PUS1: variants seen among roughly 807,000 people sequenced by gnomAD.
PUS1 encodes pseudouridine synthase 1.
A neutral mutation model predicts 38.5 loss-of-function variants in PUS1; 25 were observed. The ratio of observed to expected loss-of-function variants is 0.65; its 90% confidence interval spans 0.47 to 0.91. The LOEUF is 0.91. Ranked by LOEUF, PUS1 falls within the 40% of genes least tolerant of loss-of-function variation. The pLI is 0.00. For synonymous variants in PUS1, 282 were observed against 260.4 expected (o/e 1.08, Z -0.80); for missense variants, 597 against 612.3 (o/e 0.97, Z 0.26).
intron 5 of PUS1, among the ~76,000 whole-genome samples, chr12:131,942,415 T>TG (rs537556182): frequency 8.5e-5 from 13 of 152,048 alleles, no homozygotes; most frequent in South Asian, 4.1e-4. Flanking sequence ...TTCTTTTTTT[T>TG]TTGTTGTTTG....
intron 3 of PUS1, chr12:131,932,571 C>T (rs1384182643): frequency 1.2e-5 from 7 of 575,184 alleles, no homozygotes; most frequent in Admixed American, 3.0e-5. Context: ...TTCTCAGGGA[C>T]ACACATTCTT....
In PUS1 at chr12:131,943,699, C is replaced by T; in HGVS notation, c.*113C>T. The stretch of plus-strand genomic sequence containing the variant: ...GATCGCTGCAGCCATGTTTTCCCGG[C>T]CATGCCGGCGTTGTAACCTCAGGAC... On this transcript the variant is annotated 3_prime_UTR_variant, in exon 6 of 6. Coordinates refer to ENST00000376649, the MANE Select transcript of PUS1 (RefSeq NM_025215.6). 1 of 911,370 alleles carries T rather than the reference C, an allele frequency of 1.1e-6. No individual in the cohort carries two copies. Among genetic ancestry groups the T allele is most frequent in the Admixed American group, 1.8e-5 (1 of 56,268 alleles). 56.5% of individuals were successfully genotyped at this position (911,370 alleles called of 1,614,324 possible).
At chr12:131,931,131 C>G (rs1029978086) in intron 2 of PUS1, among the ~76,000 whole-genome samples, 1 of 152,144 alleles carries the variant, frequency 6.6e-6, no homozygotes, top group Non-Finnish European at 1.5e-5. Context: ...GTTGTTATAA[C>G]AGCTTTTATG....
intron 3 of PUS1, chr12:131,932,901 A>C (rs890671701): frequency 2.4e-6 from 1 of 413,502 alleles, no homozygotes; most frequent in African/African-American, 2.1e-5. Context: ...TTATAAAGAA[A>C]AGAGGTTGAA....
intron 3 of PUS1, among the ~76,000 whole-genome samples, chr12:131,938,540 A>G (rs2136439895): frequency 6.6e-6 from 1 of 152,234 alleles, no homozygotes; most frequent in East Asian, 1.9e-4. Flanking sequence ...TGTAAACTTG[A>G]TCAGTTTTTA....
Position 131,932,320 on chromosome 12 carries a change from G to A in PUS1, c.441+8G>A. 1.2e-6 allele frequency: 2 copies of A among 1,613,056 alleles called. No homozygotes were observed. The highest frequency in any genetic ancestry group is 1.7e-6 in the Non-Finnish European group (2 of 1,180,000). The stretch of plus-strand genomic sequence containing the variant: ...TGCGCCCGGACAGACAAGGTGGGTG[G>A]TGGCCTTCTCTGCCCCTCCCCCGCT... On this transcript the variant is annotated splice_region_variant and intron_variant, in intron 3 of 5. Coordinates refer to ENST00000376649, the MANE Select transcript of PUS1 (RefSeq NM_025215.6).
chr12:131,941,278 C>T lies in PUS1; in HGVS notation c.545-14C>T, dbSNP rs777832293. 3 of 1,612,484 alleles carry T rather than the reference C, an allele frequency of 1.9e-6. No homozygotes were observed. Among genetic ancestry groups the T allele is most frequent in the Non-Finnish European group, 2.5e-6 (3 of 1,178,720 alleles). On this transcript the variant is annotated splice_polypyrimidine_tract_variant and intron_variant, in intron 4 of 5. Coordinates refer to ENST00000376649, the MANE Select transcript of PUS1 (RefSeq NM_025215.6). This position sits in a 1 kb window ranked among gnomAD's most constrained non-coding sequence, Gnocchi z 4.4. The stretch of plus-strand genomic sequence containing the variant: ...CTCACCTGCCTTTCTCCTCCCTGAC[C>T]ACCTCCCCCCTAGGACTGAAGCGGG...
chr12:131,934,913 C>G (rs939372799), intron 3 of PUS1: 1 of 152,250 alleles, frequency 6.6e-6, no homozygotes, highest in Non-Finnish European at 1.5e-5. Context: ...AAAGCTATGG[C>G]TCTTTTTCCC....
intron 3 of PUS1, chr12:131,932,569 GAC>G (rs1355610484): frequency 3.5e-6 from 2 of 577,068 alleles, no homozygotes; most frequent in East Asian, 5.9e-5. Context: ...TGTTCTCAGG[GAC>G]ACACATTCTT....
intron 5 of PUS1, 117 bp downstream of exon 5, chr12:131,942,100 T>A: frequency 1.0e-6 from 1 of 973,672 alleles, no homozygotes. Context: ...GCCACACAGC[T>A]GCTGCAGGAG....
At position 131,932,211 on chromosome 12, in the gene PUS1, G is replaced by A. The variant is rs1242866089; in HGVS notation, c.340G>A (p.Asp114Asn). ...VGSSQFKTIE[D>N]DLVSALVRSG... ...GTCCTCACAATTCAAAACAATTGAAGATGACTTGGTGTCCGCCCTCGTCCG... is the reference window on the plus strand; with the variant it reads ...GTCCTCACAATTCAAAACAATTGAAAATGACTTGGTGTCCGCCCTCGTCCG... The change falls in exon 3 of 6, where the codon GAT becomes AAT. Residue 114 changes from aspartate (D) to asparagine (N), a missense_variant. Coordinates refer to ENST00000376649, the MANE Select transcript of PUS1 (RefSeq NM_025215.6). 6.2e-7 allele frequency: 1 copy of A among 1,613,992 alleles called. No individual in the cohort carries two copies.
At chr12:131,932,598 C>T (rs1262641039) in intron 3 of PUS1, 9 of 537,882 alleles carry the variant, frequency 1.7e-5, no homozygotes, top group South Asian at 4.0e-5. Context: ...GGCACAGTGG[C>T]GGCCGCAATG....
rs1891040157 is a variant in PUS1, at chr12:131,941,117, C to G, written c.545-175C>G. On this transcript the variant is annotated intron_variant, in intron 4 of 5. Transcript: ENST00000376649. This position sits in a 1 kb window ranked among gnomAD's most constrained non-coding sequence, Gnocchi z 4.4. ...CCTGTCCCTCCTGTCCATCGTCCTCCTGTGCCTGTTCCCCAGCCTGTGGCT... is the reference window on the plus strand; with the variant it reads ...CCTGTCCCTCCTGTCCATCGTCCTCGTGTGCCTGTTCCCCAGCCTGTGGCT... 2 of 635,358 alleles carry G rather than the reference C, an allele frequency of 3.1e-6. No homozygotes were observed. The highest frequency in any genetic ancestry group is 5.7e-6 in the Non-Finnish European group (2 of 351,394). The allele number at this position is 635,358 out of a possible 1,614,324, so 39.4% of individuals were successfully genotyped here. A position where few individuals can be genotyped will look rare whatever the true frequency, so the allele number is the denominator to read the frequency against.
intron 3 of PUS1, among the ~76,000 whole-genome samples, chr12:131,938,733 T>TA (rs1329412474): frequency 6.1e-4 from 91 of 150,120 alleles, no homozygotes; most frequent in African/African-American, 2.1e-3. Flanking sequence ...TTTTTTTTTT[T>TA]TCCTTTGAGG....
chr12:131,941,479 C>T lies in PUS1; in HGVS notation c.732C>T (p.Asn244=). 6.2e-7 allele frequency: 1 copy of T among 1,613,556 alleles called. No individual in the cohort carries two copies. Among genetic ancestry groups the T allele is most frequent in the Non-Finnish European group, 8.5e-7 (1 of 1,179,462 alleles). Residue 244 remains asparagine (N), a synonymous_variant, in exon 5 of 6, where the codon AAC becomes AAT. Coordinates refer to ENST00000376649, the MANE Select transcript of PUS1 (RefSeq NM_025215.6). This position sits in a 1 kb window ranked among gnomAD's most constrained non-coding sequence, Gnocchi z 4.4. The stretch of plus-strand genomic sequence containing the variant: ...TGGCCTGCTACAAGGGCACGCACAA[C>T]TTCCACAATTTCACCTCGCAGAAGG... ...RLLACYKGTH[N]FHNFTSQKGP... is the part of the protein sequence containing the mutation.
intron 3 of PUS1, 78 bp downstream of exon 3, chr12:131,932,390 T>G: frequency 3.3e-6 from 5 of 1,508,402 alleles, no homozygotes; most frequent in Non-Finnish European, 4.6e-6. Flanking sequence ...GTGTTCTGGC[T>G]TGTTATGCTG....
At chr12:131,943,228 A>G (rs1891166216) in intron 5 of PUS1, among the ~76,000 whole-genome samples, 1 of 152,298 alleles carries the variant, frequency 6.6e-6, no homozygotes, top group Admixed American at 6.5e-5. Context: ...AGGCATATAT[A>G]CTTCCGAGGC....
intron 3 of PUS1, chr12:131,934,890 C>T (rs1041348696): frequency 3.9e-5 from 6 of 152,258 alleles, no homozygotes; most frequent in Admixed American, 1.3e-4. Flanking sequence ...CAGGATCCTC[C>T]GGGAATCTGA....
Position 131,941,085 on chromosome 12 carries a change from C to T in PUS1, c.545-207C>T, listed in dbSNP as rs1415460304. On this transcript the variant is annotated intron_variant, in intron 4 of 5. Transcript: ENST00000376649. This position sits in a 1 kb window ranked among gnomAD's most constrained non-coding sequence, Gnocchi z 4.4. ...TTGTAAATTCAGTCACCTTATAGAGCACTGCACCTGTCCCTCCTGTCCATC... is the reference window on the plus strand; with the variant it reads ...TTGTAAATTCAGTCACCTTATAGAGTACTGCACCTGTCCCTCCTGTCCATC... The T allele has an allele frequency of 2.0e-5, 12 of 600,806 alleles. No individual in the cohort carries two copies. Among genetic ancestry groups the T allele is most frequent in the Non-Finnish European group, 3.3e-5 (11 of 335,718 alleles). 37.2% of individuals were successfully genotyped at this position (600,806 alleles called of 1,614,324 possible). A position where few individuals can be genotyped will look rare whatever the true frequency, so the allele number is the denominator to read the frequency against.
Sources: allele counts gnomAD v4.1 joint callset (sites outside exome capture counted in the v4.1 genomes callset), GRCh38; gene constraint gnomAD v4.1.1; non-coding constraint Gnocchi (gnomAD v3.1); transcripts MANE v1.5; gene names NCBI Gene and HGNC (gene_info 2026-07-23, HGNC 2026-07-21).